Variants in TBXAS1 observed in about 807,000 individuals in gnomAD.
TBXAS1 encodes thromboxane A synthase 1.
TBXAS1 carries 48 observed loss-of-function variants against 60.7 expected under a neutral mutation model. That is an observed-to-expected ratio of 0.79 (90% CI 0.63 to 1.01). The LOEUF (loss-of-function observed/expected upper bound fraction) is 1.01, where lower values mean the gene tolerates loss of function less well. Ranked by LOEUF, TBXAS1 falls within the 50% of genes least tolerant of loss-of-function variation. The pLI is 0.00. For synonymous variants in TBXAS1, 287 were observed against 269.7 expected, an observed-to-expected ratio of 1.06 and a Z score of -0.63; for missense variants, 685 against 686.3, an observed-to-expected ratio of 1.00 and a Z score of 0.02.
rs377000329 is a variant in TBXAS1 at position 140,009,501 on chromosome 7, G to A, written c.1226+2319G>A. Among the ~76,000 whole-genome samples the A allele has an allele frequency of 4.6e-5, 7 of 152,144 alleles. No homozygotes were observed. The East Asian group carries it at 7.7e-4, about 17-fold the overall frequency. On this transcript the variant is annotated intron_variant, in intron 10 of 12. Coordinates refer to ENST00000448866, the MANE Select transcript of TBXAS1 (RefSeq NM_001061.7). ...GCAGGGAGGAGCGCCGGCACTGGTC[G>A]GACAGTGGAATGGACAGCTTCCATC...
intron 3 of TBXAS1, among the ~76,000 whole-genome samples, chr7:139,881,915 C>A (rs1802730486): frequency 1.3e-5 from 2 of 152,240 alleles, no homozygotes; most frequent in South Asian, 4.1e-4. Context: ...TGTCACCAGG[C>A]AGTGAGGAAG....
chr7:139,939,891 G>A (rs1269166829), intron 5 of TBXAS1, among the ~76,000 whole-genome samples: 1 of 152,148 alleles, frequency 6.6e-6, no homozygotes, highest in African/African-American at 2.4e-5. Flanking sequence ...AAAGAAACAC[G>A]AGGACGAAAA....
intron 1 of TBXAS1, among the ~76,000 whole-genome samples, chr7:139,859,029 C>A (rs953461772): frequency 6.6e-6 from 1 of 151,786 alleles, no homozygotes; most frequent in African/African-American, 2.4e-5. Context: ...CCAGAATTAA[C>A]CATGCCCGGT....
At chr7:139,928,273 C>T (rs924248889) in intron 4 of TBXAS1, among the ~76,000 whole-genome samples, 5 of 152,172 alleles carry the variant, frequency 3.3e-5, no homozygotes, top group Non-Finnish European at 7.3e-5. Context: ...TCTGTTAATG[C>T]AACAAGTTAC....
At chr7:139,953,610 G>A (rs1809592218) in intron 6 of TBXAS1, 154 bp downstream of exon 6, 2 of 731,642 alleles carry the variant, frequency 2.7e-6, no homozygotes, top group Non-Finnish European at 4.6e-6. Context: ...AAAAAGAAAA[G>A]AAACCCACTT....
intron 4 of TBXAS1, among the ~76,000 whole-genome samples, chr7:139,933,542 G>A (rs989870039): frequency 4.6e-5 from 7 of 151,952 alleles, no homozygotes; most frequent in African/African-American, 7.3e-5. Context: ...TGGCCATGGC[G>A]CTCCCAAAGA....
intron 4 of TBXAS1, among the ~76,000 whole-genome samples, chr7:139,795,485 A>G (rs1797538816): frequency 9.5e-6 from 1 of 105,664 alleles, no homozygotes; most frequent in Non-Finnish European, 1.9e-5. Flanking sequence ...CTCTGATGGT[A>G]GTTTCTTTTG....
intron 9 of TBXAS1, among the ~76,000 whole-genome samples, chr7:140,000,248 C>G (rs1211921463): frequency 6.6e-6 from 1 of 152,060 alleles, no homozygotes; most frequent in Non-Finnish European, 1.5e-5. Context: ...GCCTGTGATC[C>G]CAGTACTTTA....
intron 9 of TBXAS1, among the ~76,000 whole-genome samples, chr7:139,965,954 C>T (rs1810758615): frequency 6.7e-6 from 1 of 150,356 alleles, no homozygotes; most frequent in African/African-American, 2.5e-5. Context: ...CATGGAAATG[C>T]AGATTAGATG....
intron 1 of TBXAS1, among the ~76,000 whole-genome samples, chr7:139,865,803 AGAAG>A (rs1463365009): frequency 2.8e-4 from 24 of 84,286 alleles, no homozygotes; most frequent in East Asian, 8.7e-4. Context: ...AAGGAAGGAA[AGAAG>A]GAAGGAAGGG....
chr7:139,911,971 C>G (rs1805560803), intron 4 of TBXAS1, among the ~76,000 whole-genome samples: 1 of 152,204 alleles, frequency 6.6e-6, no homozygotes, highest in African/African-American at 2.4e-5. Context: ...TGGCTCATAC[C>G]TGTAGTCCCC....
intron 9 of TBXAS1, among the ~76,000 whole-genome samples, chr7:139,993,892 C>CTTTTTT (rs71170931): frequency 3.6e-5 from 4 of 111,702 alleles, no homozygotes; most frequent in Non-Finnish European, 5.2e-5. Context: ...TTCTTTCTTT[C>CTTTTTT]TTTTTTTTTT....
chr7:139,939,459 A>G (rs958363084), intron 5 of TBXAS1, among the ~76,000 whole-genome samples: 2 of 150,840 alleles, frequency 1.3e-5, no homozygotes, highest in African/African-American at 4.9e-5. Flanking sequence ...TAACCTTGAA[A>G]TTCCCTTGAA....
intron 3 of TBXAS1, among the ~76,000 whole-genome samples, chr7:139,784,981 G>T (rs1797141528): frequency 6.6e-6 from 1 of 152,150 alleles, no homozygotes; most frequent in Non-Finnish European, 1.5e-5. Context: ...CATCGAAGGG[G>T]CTTTCTAAGG....
At chr7:139,983,634 T>G (rs537112258) in intron 9 of TBXAS1, among the ~76,000 whole-genome samples, 1 of 152,172 alleles carries the variant, frequency 6.6e-6, no homozygotes, top group Non-Finnish European at 1.5e-5. Context: ...ACCTACTCAG[T>G]CTAGATTTTC....
At chr7:139,980,962 C>T (rs1584998648) in intron 9 of TBXAS1, among the ~76,000 whole-genome samples, 1 of 151,592 alleles carries the variant, frequency 6.6e-6, no homozygotes. Context: ...ATTATAAAAG[C>T]GAAACCAAAA....
intron 4 of TBXAS1, among the ~76,000 whole-genome samples, chr7:139,824,075 G>C (rs893653461): frequency 6.6e-6 from 1 of 152,154 alleles, no homozygotes; most frequent in Non-Finnish European, 1.5e-5. Flanking sequence ...ACATCTGCAC[G>C]GGCAGTTTTT....
chr7:139,781,571 C>G (rs1796990224), intron 2 of TBXAS1, among the ~76,000 whole-genome samples: 1 of 152,160 alleles, frequency 6.6e-6, no homozygotes. Context: ...GTGGCTCACG[C>G]CTGTAATCCC....
intron 5 of TBXAS1, among the ~76,000 whole-genome samples, chr7:139,952,151 A>T (rs1190112734): frequency 3.3e-5 from 5 of 152,212 alleles, no homozygotes; most frequent in Middle Eastern, 3.2e-3. Flanking sequence ...CCAGCAAAAG[A>T]TTGTTAGACG....
Sources: allele counts gnomAD v4.1 joint callset (sites outside exome capture counted in the v4.1 genomes callset), GRCh38; gene constraint gnomAD v4.1.1; transcripts MANE v1.5; gene names NCBI Gene and HGNC (gene_info 2026-07-23, HGNC 2026-07-21).